The following ATP2A3 variants were observed in gnomAD, a reference collection of about 807,000 sequenced individuals.
The protein encoded by ATP2A3 is ATPase sarcoplasmic/endoplasmic reticulum Ca2+ transporting 3.
In ATP2A3, 61 loss-of-function variants were observed where a neutral mutation model predicts 106.8. The observed-to-expected ratio is 0.57, with a 90% CI of 0.46 to 0.71. ATP2A3 has a LOEUF of 0.71. Ranked by LOEUF, ATP2A3 falls within the 30% of genes least tolerant of loss-of-function variation. The pLI, the probability that ATP2A3 is intolerant of heterozygous loss-of-function variation, is 0.00. For missense variants in ATP2A3, 1,201 were observed against 1,423.5 expected, an observed-to-expected ratio of 0.84 and a Z score of 2.52; for synonymous variants, 611 against 609.3, an observed-to-expected ratio of 1.00 and a Z score of -0.04.
intron 1 of ATP2A3, among the ~76,000 whole-genome samples, chr17:3,954,789 A>C (rs1012285186): frequency 2.6e-5 from 4 of 152,266 alleles, no homozygotes; most frequent in Admixed American, 1.3e-4. Flanking sequence ...GCCACCGCCC[A>C]GGCCTAGGTG....
In ATP2A3 at chr17:3,947,955, C is replaced by T; in HGVS notation, c.631-100G>A. ...CGGAATAAGGCACTTATCCTTCTAC[C>T]CGGCTTTCCTTTTCTCCATGTTGCT... On this transcript the variant is annotated intron_variant, in intron 7 of 20. Coordinates refer to ENST00000397041, the MANE Select transcript of ATP2A3 (RefSeq NM_005173.4). This position sits in a 1 kb window ranked among gnomAD's most constrained non-coding sequence, Gnocchi z 7.7. The T allele has an allele frequency of 8.2e-7, 1 of 1,216,816 alleles. No individual in the cohort carries two copies. 75.4% of individuals were successfully genotyped at this position (1,216,816 alleles called of 1,614,324 possible). A position where few individuals can be genotyped will look rare whatever the true frequency, so the allele number is the denominator to read the frequency against.
intron 20 of ATP2A3, chr17:3,927,980 C>G: frequency 6.2e-7 from 1 of 1,613,980 alleles, no homozygotes. Flanking sequence ...CCGGAGCTCA[C>G]CCCTGCTTCC....
chr17:3,928,872 T>C lies in ATP2A3; in HGVS notation c.2863-92A>G, dbSNP rs1344618045. ...CTGGCCTTATCCACCTGGGCTCTGA[T>C]GGACTCTTCATGAGCGCTCCTAAGA... On this transcript the variant is annotated intron_variant, in intron 19 of 20. Transcript: ENST00000397041. The surrounding 1 kb of genome is among the most constrained non-coding windows in gnomAD (Gnocchi z 6.1). 1.0e-5 allele frequency: 10 copies of C among 1,004,706 alleles called. No homozygotes were observed. Among genetic ancestry groups the C allele is most frequent in the Non-Finnish European group, 1.5e-5 (10 of 664,256 alleles). The allele number at this position is 1,004,706 out of a possible 1,614,324, so 62.2% of individuals were successfully genotyped here. A position where few individuals can be genotyped will look rare whatever the true frequency, so the allele number is the denominator to read the frequency against.
intron 1 of ATP2A3, among the ~76,000 whole-genome samples, chr17:3,961,764 GA>G (rs773321026): frequency 2.0e-5 from 3 of 152,174 alleles, no homozygotes; most frequent in Non-Finnish European, 4.4e-5. Context: ...AAGGAAGGAT[GA>G]CTTGGTGTCT....
Position 3,928,409 on chromosome 17 carries a change from T to G in ATP2A3, c.2980+254A>C. On this transcript the variant is annotated intron_variant, in intron 20 of 20. Transcript: ENST00000397041. The surrounding 1 kb of genome is among the most constrained non-coding windows in gnomAD (Gnocchi z 6.1). Reference sequence around the variant, plus strand: ...TGTAGGGGGTGGCAGGTGAAGACAGTGAGGCAGTGTGGCCCAAGAGGTGCT... The same window carrying G: ...TGTAGGGGGTGGCAGGTGAAGACAGGGAGGCAGTGTGGCCCAAGAGGTGCT... 7.4e-7 allele frequency: 1 copy of G among 1,348,716 alleles called. No homozygotes were observed. Among genetic ancestry groups the G allele is most frequent in the Non-Finnish European group, 1.0e-6 (1 of 960,962 alleles). The allele number at this position is 1,348,716 out of a possible 1,614,324, so 83.5% of individuals were successfully genotyped here.
In ATP2A3 at chr17:3,927,991, T is replaced by C. The variant is rs201484955; in HGVS notation, c.2980+672A>G. 3.7e-6 allele frequency: 6 copies of C among 1,613,968 alleles called. No individual in the cohort carries two copies. The African/African-American group carries it at 5.3e-5, about 14-fold the overall frequency. On this transcript the variant is annotated intron_variant, in intron 20 of 20. Coordinates refer to ENST00000397041, the MANE Select transcript of ATP2A3 (RefSeq NM_005173.4). ...GGAACCGGAGCTCACCCCTGCTTCC[T>C]CCCTCTCTGAGCAGCTCTGACAGCG...
At chr17:3,951,544 CCG>C (rs775691612) in intron 4 of ATP2A3, 35 bp downstream of exon 4, 16 of 1,317,040 alleles carry the variant, frequency 1.2e-5, no homozygotes, top group African/African-American at 4.3e-5. Context: ...GGCTGGGAGA[CCG>C]CCCCCCGCCC....
intron 11 of ATP2A3, 103 bp downstream of exon 11, chr17:3,943,288 A>G (rs932394003): frequency 1.2e-5 from 18 of 1,518,240 alleles, no homozygotes; most frequent in Middle Eastern, 1.9e-4. Flanking sequence ...AAAAAAAAAC[A>G]AAACGAAACA....
intron 7 of ATP2A3, among the ~76,000 whole-genome samples, chr17:3,948,607 C>T (rs895074765): frequency 6.6e-6 from 1 of 152,260 alleles, no homozygotes; most frequent in African/African-American, 2.4e-5. Context: ...TTAGTAGAAA[C>T]GAGGTCTCAC....
At chr17:3,941,374 G>A in intron 13 of ATP2A3, 62 bp downstream of exon 13, 4 of 1,613,662 alleles carry the variant, frequency 2.5e-6, no homozygotes, top group South Asian at 1.1e-5. Context: ...CTCAGCTGCT[G>A]CAGGGAGACT....
Position 3,936,462 on chromosome 17 carries a change from G to T in ATP2A3, c.2329C>A (p.Leu777Ile). ...TCGGGCAGGCCCAGAATTGCCGTGA[G>T]GAAGATGCTGGAACAGAGTCATGAG... ...SNVGEVVCIF[L>I]TAILGLPEAL... Residue 777 changes from leucine (L) to isoleucine (I), a missense_variant, in exon 16 of 21, where the codon CTC becomes ATC. Around this residue, in one of 2 missense-constraint regions of ATP2A3, gnomAD observed 935 missense variants for 1,176.7 expected, o/e 0.79. Transcript: ENST00000397041. The surrounding 1 kb of genome is among the most constrained non-coding windows in gnomAD (Gnocchi z 5.4). The T allele has an allele frequency of 6.2e-7, 1 of 1,614,034 alleles. No homozygotes were observed. The highest frequency in any genetic ancestry group is 8.5e-7 in the Non-Finnish European group (1 of 1,180,032).
At position 3,926,101 on chromosome 17, in the gene ATP2A3, G is replaced by T. The variant is rs555314222; in HGVS notation, c.2981-660C>A. On this transcript the variant is annotated intron_variant, in intron 20 of 20. Transcript: ENST00000397041. This position sits in a 1 kb window ranked among gnomAD's most constrained non-coding sequence, Gnocchi z 4.6. ...CACACCTGGGCAGAGCCAGGAGGTG[G>T]GGTGAGAGGACCGCCCCCAGCCCCC... Among the ~76,000 whole-genome samples the T allele has an allele frequency of 1.3e-5, 2 of 152,122 alleles. No homozygotes were observed. The highest frequency in any genetic ancestry group is 2.9e-5 in the Non-Finnish European group (2 of 67,982).
At chr17:3,942,835 G>A (rs2053861782) in intron 11 of ATP2A3, 104 bp from the exon 12 acceptor site, 10 of 1,534,294 alleles carry the variant, frequency 6.5e-6, no homozygotes, top group East Asian at 4.6e-5. Flanking sequence ...CTCTGTGTGG[G>A]ATGACATCTA....
chr17:3,959,037 G>A (rs530006798), intron 1 of ATP2A3, among the ~76,000 whole-genome samples: 70 of 151,434 alleles, frequency 4.6e-4, no homozygotes, highest in African/African-American at 1.7e-3. Flanking sequence ...GATTACAGGC[G>A]CCTGCCACCA....
At chr17:3,927,521 C>T (rs34404834) in intron 20 of ATP2A3, 138,385 of 985,292 alleles carry the variant, frequency 0.14, 9,957 homozygotes, top group African/African-American at 0.23. Flanking sequence ...GATTTCCTGG[C>T]GGACCGGCCC....
At position 3,947,475 on chromosome 17, in the gene ATP2A3, C is replaced by T. The variant is rs770562560; in HGVS notation, c.1011G>A (p.Pro337=). 2.7e-5 allele frequency: 44 copies of T among 1,613,656 alleles called. No homozygotes were observed. Among genetic ancestry groups the T allele is most frequent in the Middle Eastern group, 1.6e-4 (1 of 6,084 alleles). The change falls in exon 8 of 21, where the codon CCG becomes CCA. Residue 337 remains proline, a synonymous_variant. Coordinates refer to ENST00000397041, the MANE Select transcript of ATP2A3 (RefSeq NM_005173.4). The surrounding 1 kb of genome is among the most constrained non-coding windows in gnomAD (Gnocchi z 7.7). ...AGGTGCAGCCCAGGGTCTCCACGGA[C>T]GGCAGGCTTCGCACGATGGCGTTCT... The part of the protein sequence containing the change: ...ARKNAIVRSL[P]SVETLGCTSV...
At chr17:3,950,162 ATT>A (rs373505320) in intron 7 of ATP2A3, among the ~76,000 whole-genome samples, 31 of 138,542 alleles carry the variant, frequency 2.2e-4, no homozygotes, top group African/African-American at 2.7e-4. Flanking sequence ...AAAAAAAAAT[ATT>A]TTTTTTTTTT....
chr17:3,939,786 T>TAAAAA (rs71381543), intron 14 of ATP2A3, among the ~76,000 whole-genome samples: 1 of 50,492 alleles, frequency 2.0e-5, no homozygotes, highest in African/African-American at 6.2e-5. Flanking sequence ...AGACTCTGTC[T>TAAAAA]AAAAAAAAAA....
intron 17 of ATP2A3, among the ~76,000 whole-genome samples, chr17:3,934,251 T>C (rs1375974881): frequency 6.6e-6 from 1 of 151,488 alleles, no homozygotes; most frequent in East Asian, 1.9e-4. Context: ...AGAGACAGGG[T>C]CTTACTCTGT....
Sources: allele counts gnomAD v4.1 joint callset (sites outside exome capture counted in the v4.1 genomes callset), GRCh38; gene constraint gnomAD v4.1.1; regional missense constraint gnomAD v4.1.1; non-coding constraint Gnocchi (gnomAD v3.1); transcripts MANE v1.5; gene names NCBI Gene and HGNC (gene_info 2026-07-23, HGNC 2026-07-21).